Variants in TBCD observed in about 807,000 individuals in gnomAD.
TBCD encodes the protein tubulin-specific chaperone D.
In TBCD, 105 loss-of-function variants were observed where a neutral mutation model predicts 169.3. The observed-to-expected ratio is 0.62, with a 90% CI of 0.53 to 0.73. The LOEUF (loss-of-function observed/expected upper bound fraction) is 0.73. Among genes scored for constraint, TBCD ranks in the 30% least tolerant of loss-of-function variants. The pLI is 0.00. For missense variants in TBCD, 1,444 were observed against 1,600.1 expected (o/e 0.90, Z 1.66); for synonymous variants, 700 against 643.9 (o/e 1.09, Z -1.32).
intron 7 of TBCD, among the ~76,000 whole-genome samples, chr17:82,783,660 C>T (rs762334629): frequency 2.0e-5 from 3 of 152,186 alleles, no homozygotes; most frequent in Non-Finnish European, 4.4e-5. Flanking sequence ...GGTTCATCTG[C>T]GCTGTGGTGT....
chr17:82,852,218 T>G (rs2145674136), intron 13 of TBCD, among the ~76,000 whole-genome samples: 1 of 146,904 alleles, frequency 6.8e-6, no homozygotes, highest in East Asian at 2.1e-4. Context: ...ACATTTCCTG[T>G]GAATGGAACC....
intron 13 of TBCD, among the ~76,000 whole-genome samples, chr17:82,829,003 G>A (rs1311351288): frequency 2.2e-5 from 2 of 90,822 alleles, no homozygotes; most frequent in East Asian, 3.4e-4. Flanking sequence ...CCACAATCAC[G>A]TGTACACACC....
chr17:82,792,979 T>C (rs929551487), intron 7 of TBCD, among the ~76,000 whole-genome samples: 1 of 152,088 alleles, frequency 6.6e-6, no homozygotes, highest in Non-Finnish European at 1.5e-5. Context: ...TCCGGGCTGG[T>C]CTGGGACTCT....
At position 82,945,568 on chromosome 17, in the gene TBCD, A is replaced by C. The variant is rs539199997; in HGVS notation, c.*3105A>C. On this transcript the variant is annotated 3_prime_UTR_variant, in exon 39 of 39. Transcript: ENST00000355528. The stretch of plus-strand genomic sequence containing the variant: ...TGAATTGTGCCCACAGCATAACATT[A>C]AAGAAGAGAACAAAATTAAGTCATT... The C allele has an allele frequency of 7.9e-5, 12 of 152,370 alleles. No homozygotes were observed. In the South Asian group the frequency reaches 2.3e-3, roughly 29 times the overall value. The allele number at this position is 152,370 out of a possible 1,614,324, so 9.4% of individuals were successfully genotyped here.
At chr17:82,791,296 T>A (rs1598512175) in intron 7 of TBCD, among the ~76,000 whole-genome samples, 1 of 152,134 alleles carries the variant, frequency 6.6e-6, no homozygotes, top group East Asian at 1.9e-4. Flanking sequence ...TTTCACCGTG[T>A]TAGCCAGGAT....
At chr17:82,842,780 CTTTTTTT>C (rs375870095) in intron 13 of TBCD, among the ~76,000 whole-genome samples, 13 of 129,900 alleles carry the variant, frequency 1.0e-4, no homozygotes, top group African/African-American at 2.9e-4. Flanking sequence ...TTCTTTCTTT[CTTTTTTT>C]TTTTTTTTTT....
chr17:82,799,788 T>C (rs992015741), intron 8 of TBCD, among the ~76,000 whole-genome samples: 5 of 152,232 alleles, frequency 3.3e-5, no homozygotes, highest in Non-Finnish European at 5.9e-5. Context: ...CAGACCTCCC[T>C]CTTGGGCTGT....
chr17:82,811,467 C>G (rs1269681380), intron 12 of TBCD, among the ~76,000 whole-genome samples: 1 of 152,222 alleles, frequency 6.6e-6, no homozygotes, highest in Non-Finnish European at 1.5e-5. Flanking sequence ...TGTGCTCATT[C>G]CATTTTTGTA....
At chr17:82,856,337 G>T (rs2056277487) in intron 13 of TBCD, among the ~76,000 whole-genome samples, 1 of 151,592 alleles carries the variant, frequency 6.6e-6, no homozygotes, top group Non-Finnish European at 1.5e-5. Flanking sequence ...CAGTAACAGT[G>T]GCTTAATGCC....
At chr17:82,795,596 C>G (rs1170103951) in intron 7 of TBCD, 1 of 985,422 alleles carries the variant, frequency 1.0e-6, no homozygotes, top group African/African-American at 1.7e-5. Flanking sequence ...GTGCTCTTTG[C>G]CTGTAGGATG....
At chr17:82,762,623 C>A (rs1211684427) in intron 2 of TBCD, among the ~76,000 whole-genome samples, 4 of 151,942 alleles carry the variant, frequency 2.6e-5, no homozygotes, top group Admixed American at 2.0e-4. Flanking sequence ...GTGGCAGGTG[C>A]CTGTAGTCCC....
chr17:82,763,799 G>A (rs1305091177), intron 2 of TBCD, among the ~76,000 whole-genome samples, 166 bp from the exon 3 acceptor site: 1 of 152,168 alleles, frequency 6.6e-6, no homozygotes, highest in Non-Finnish European at 1.5e-5. Flanking sequence ...GAGTGCAATA[G>A]TAGGATCATA....
chr17:82,910,525 C>G (rs1384140332), intron 22 of TBCD, among the ~76,000 whole-genome samples: 1 of 152,092 alleles, frequency 6.6e-6, no homozygotes, highest in African/African-American at 2.4e-5. Context: ...CAGGATCTGC[C>G]AGTGCTTTCT....
Position 82,934,086 on chromosome 17 carries a change from G to A in TBCD, c.3191+1351G>A, listed in dbSNP as rs1222917270. The stretch of plus-strand genomic sequence containing the variant: ...GTCCCCAGCCTTGGACAGCGTCCTC[G>A]TACTCAGGTACTGGCTGACCCAGGC... On this transcript the variant is annotated intron_variant, in intron 34 of 38. Transcript: ENST00000355528. 2.0e-5 allele frequency among the ~76,000 whole-genome samples: 3 copies of A among 152,316 alleles called. No homozygotes were observed. In the East Asian group the frequency reaches 5.8e-4, roughly 29 times the overall value.
Position 82,789,679 on chromosome 17 carries a change from G to A in TBCD, c.771+7958G>A, listed in dbSNP as rs1248036606. Among the ~76,000 whole-genome samples the A allele has an allele frequency of 6.6e-6, 1 of 152,242 alleles. No homozygotes were observed. The highest frequency in any genetic ancestry group is 1.5e-5 in the Non-Finnish European group (1 of 68,042). On this transcript the variant is annotated intron_variant, in intron 7 of 38. Coordinates refer to ENST00000355528, the MANE Select transcript of TBCD (RefSeq NM_005993.5). This position sits in a 1 kb window ranked among gnomAD's most constrained non-coding sequence, Gnocchi z 4.8. ...CACCTTAGAGGCACCTTCCCTCTAA[G>A]GCAGATGTCCCTCAGGCTTTGGTCC...
rs192624334 is a variant in TBCD, at chr17:82,939,396, C to T, written c.3399C>T (p.Tyr1133=). Residue 1133 remains tyrosine, a synonymous_variant, in exon 37 of 39, where the codon TAC becomes TAT. Coordinates refer to ENST00000355528, the MANE Select transcript of TBCD (RefSeq NM_005993.5). ...LIRKTTASQV[Y]ETLLTYSDVV... ...GGAAGACCACGGCCAGCCAGGTGTA[C>T]GAGACATTGCTCACCTACAGTGACG... 35 of 1,612,994 alleles carry T rather than the reference C, an allele frequency of 2.2e-5. No individual in the cohort carries two copies. Among genetic ancestry groups the T allele is most frequent in the East Asian group, 1.3e-4 (6 of 44,884 alleles).
Position 82,938,094 on chromosome 17 carries a change from C to T in TBCD, c.3327C>T (p.Ala1109=), listed in dbSNP as rs757011932. The change falls in exon 36 of 39, where the codon GCC becomes GCT. Residue 1109 remains alanine (A), a synonymous_variant. Transcript: ENST00000355528. ...VQFPGDVRRQ[A]LLQLCLLLCH... ...TCCCCGGCGACGTGAGGAGGCAGGC[C>T]CTCCTGCAGCTGTGTCTGCTCCTCT... The T allele has an allele frequency of 1.2e-6, 2 of 1,612,888 alleles. No homozygotes were observed. The highest frequency in any genetic ancestry group is 1.1e-5 in the South Asian group (1 of 91,058).
chr17:82,820,685 C>A (rs553600573), intron 13 of TBCD, among the ~76,000 whole-genome samples: 17 of 152,046 alleles, frequency 1.1e-4, no homozygotes, highest in African/African-American at 4.1e-4. Flanking sequence ...TATGTTAATA[C>A]ACATGTTGGT....
In TBCD at chr17:82,838,650, C is replaced by T. The variant is rs558157931; in HGVS notation, c.1318+23716C>T. On this transcript the variant is annotated intron_variant, in intron 13 of 38. Transcript: ENST00000355528. The stretch of plus-strand genomic sequence containing the variant: ...GAGTTTTACTCCAATTGAGCTTTTC[C>T]AGTGATTGACTGCCACTCCCTCCCA... 7.1e-6 allele frequency: 7 copies of T among 985,404 alleles called. No homozygotes were observed. In the South Asian group the frequency reaches 2.8e-4, roughly 40 times the overall value. 61.0% of individuals were successfully genotyped at this position (985,404 alleles called of 1,614,324 possible).
Sources: gnomAD v4.1 joint callset for allele counts (sites outside exome capture counted in the v4.1 genomes callset) on GRCh38, gnomAD v4.1.1 for gene constraint, Gnocchi (gnomAD v3.1) non-coding constraint, MANE v1.5 for transcripts, NCBI Gene and HGNC (gene_info 2026-07-23, HGNC 2026-07-21) for gene names.